ADAP1: variants seen among roughly 807,000 people sequenced by gnomAD.
ADAP1 encodes arf-GAP with dual PH domain-containing protein 1.
A neutral mutation model predicts 54.9 loss-of-function variants in ADAP1; 31 were observed. The ratio of observed to expected loss-of-function variants is 0.56; its 90% CI spans 0.42 to 0.76. The LOEUF (loss-of-function observed/expected upper bound fraction) is 0.76. ADAP1 is among the 30% of genes least tolerant of loss of function. ADAP1 has a pLI of 0.00. For missense variants in ADAP1, 535 were observed against 512.4 expected (o/e 1.04, Z -0.42); for synonymous variants, 313 against 202.6 (o/e 1.55, Z -4.63).
Position 951,152 on chromosome 7 carries a change from A to G in ADAP1, c.82+3244T>C, listed in dbSNP as rs1437367590. On this transcript the variant is annotated intron_variant, in intron 1 of 10. Coordinates refer to ENST00000265846, the MANE Select transcript of ADAP1 (RefSeq NM_006869.4). ...CACTTTGGGAGGCCGAGGCGGGTGG[A>G]TCACGAGGTCAGGAGACGGAGACCA... Among the ~76,000 whole-genome samples the G allele has an allele frequency of 3.9e-5, 6 of 152,148 alleles. No homozygotes were observed. In the East Asian group the frequency reaches 1.2e-3, roughly 29 times the overall value.
chr7:920,482 G>A lies in ADAP1; in HGVS notation c.306-432C>T, dbSNP rs1005161974. ...GGACCGGATCTGGGAAGTGGCCGCG[G>A]CGCCGCCCTCCACCCACCGTGCTGC... On this transcript the variant is annotated intron_variant, in intron 3 of 10. Coordinates refer to ENST00000265846, the MANE Select transcript of ADAP1 (RefSeq NM_006869.4). The surrounding 1 kb of genome is among the most constrained non-coding windows in gnomAD (Gnocchi z 4.5). Among the ~76,000 whole-genome samples, 2 of 151,482 alleles carry A rather than the reference G, an allele frequency of 1.3e-5. No homozygotes were observed. The highest frequency in any genetic ancestry group is 2.9e-5 in the Non-Finnish European group (2 of 67,816).
chr7:939,309 T>G (rs1053720971), intron 1 of ADAP1, among the ~76,000 whole-genome samples: 2 of 152,066 alleles, frequency 1.3e-5, no homozygotes, highest in East Asian at 3.9e-4. Context: ...AACTTCTGCC[T>G]CCCAGGTTCA....
intron 4 of ADAP1, among the ~76,000 whole-genome samples, chr7:910,011 G>T (rs1027955867): frequency 1.3e-5 from 2 of 152,218 alleles, no homozygotes; most frequent in Admixed American, 1.3e-4. Flanking sequence ...ACGGCTAAGA[G>T]CAGGAAAGAC....
intron 4 of ADAP1, among the ~76,000 whole-genome samples, chr7:915,953 G>A (rs1362969129): frequency 1.3e-5 from 2 of 151,848 alleles, no homozygotes; most frequent in East Asian, 3.9e-4. Flanking sequence ...CCACCTGCCT[G>A]CAGAACCCAC....
intron 2 of ADAP1, among the ~76,000 whole-genome samples, chr7:929,900 C>T (rs1383791224): frequency 6.6e-6 from 1 of 151,752 alleles, no homozygotes; most frequent in Non-Finnish European, 1.5e-5. Flanking sequence ...GCCAGGAGTT[C>T]AAGACCAGCC....
chr7:925,602 AC>A (rs1846355421), intron 3 of ADAP1, among the ~76,000 whole-genome samples: 2 of 151,868 alleles, frequency 1.3e-5, no homozygotes, highest in Admixed American at 1.3e-4. Flanking sequence ...GCTGGGGAAG[AC>A]CCCCTGGTCA....
chr7:906,705 G>GAAA lies in ADAP1; in HGVS notation c.389-1534_389-1533insTTT, dbSNP rs1845427468. ...GGGGACACGGGGGACATGGACATGG[G>GAAA]GGACGGGACATCGGGGACGGGACAT... On this transcript the variant is annotated intron_variant, in intron 4 of 10. Coordinates refer to ENST00000265846, the MANE Select transcript of ADAP1 (RefSeq NM_006869.4). Among the ~76,000 whole-genome samples, 2 of 32,602 alleles carry GAAA rather than the reference G, an allele frequency of 6.1e-5. 1 individual carries two copies. Among genetic ancestry groups the GAAA allele is most frequent in the Non-Finnish European group, 1.1e-4 (2 of 17,918 alleles). The allele number at this position is 32,602 out of a possible 152,430, so 21.4% of individuals were successfully genotyped here.
chr7:914,092 G>T (rs901857905), intron 4 of ADAP1, among the ~76,000 whole-genome samples: 2 of 152,184 alleles, frequency 1.3e-5, no homozygotes, highest in African/African-American at 4.8e-5. Flanking sequence ...AGAACAACCC[G>T]GCCATTTCCA....
intron 4 of ADAP1, among the ~76,000 whole-genome samples, chr7:918,708 C>A (rs1035642000): frequency 1.3e-5 from 2 of 152,188 alleles, no homozygotes; most frequent in African/African-American, 2.4e-5. Flanking sequence ...GGCTTGCCTC[C>A]GTTTCCCTGT....
intron 1 of ADAP1, among the ~76,000 whole-genome samples, chr7:950,049 C>T (rs769004960): frequency 9.2e-5 from 14 of 152,256 alleles, no homozygotes; most frequent in Non-Finnish European, 1.5e-4. Flanking sequence ...GCCCAGTGTC[C>T]GCCTGCAGAC....
At chr7:908,149 G>A (rs1845558154) in intron 4 of ADAP1, among the ~76,000 whole-genome samples, 1 of 152,152 alleles carries the variant, frequency 6.6e-6, no homozygotes, top group African/African-American at 2.4e-5. Context: ...GGGACGCGAG[G>A]GGGCTGTGGG....
rs1845441600 is a variant in ADAP1 at position 906,729 on chromosome 7, ATGGG to A, written c.389-1561_389-1558del. Among the ~76,000 whole-genome samples, 19 of 16,208 alleles carry A rather than the reference ATGGG, an allele frequency of 1.2e-3. 1 individual carries two copies. Among genetic ancestry groups the A allele is most frequent in the South Asian group, 1.9e-3 (1 of 540 alleles). 10.6% of individuals were successfully genotyped at this position (16,208 alleles called of 152,430 possible). A position where few individuals can be genotyped will look rare whatever the true frequency, so the allele number is the denominator to read the frequency against. On this transcript the variant is annotated intron_variant, in intron 4 of 10. Transcript: ENST00000265846. ...GGGGACGGGACATCGGGGACGGGAC[ATGGG>A]GGACAGAGTACATAGGGGACATGGA...
chr7:903,643 G>A (rs890710213), intron 6 of ADAP1, among the ~76,000 whole-genome samples: 8 of 152,098 alleles, frequency 5.3e-5, no homozygotes, highest in African/African-American at 1.9e-4. Context: ...GCCCTCCAGA[G>A]ATGCGGGGTA....
At chr7:955,037 T>G (rs1215856595), upstream of ADAP1, among the ~76,000 whole-genome samples, 1 of 152,136 alleles carries the variant, frequency 6.6e-6, no homozygotes, top group Non-Finnish European at 1.5e-5. Context: ...GTGCGTGTCC[T>G]GTGCTACGGA....
At chr7:916,824 C>G (rs1845953264) in intron 4 of ADAP1, among the ~76,000 whole-genome samples, 1 of 152,116 alleles carries the variant, frequency 6.6e-6, no homozygotes, top group Non-Finnish European at 1.5e-5. Flanking sequence ...CCCAGCCTGA[C>G]CTGGGGAGGT....
At chr7:915,628 A>T (rs1018375155) in intron 4 of ADAP1, among the ~76,000 whole-genome samples, 2 of 152,114 alleles carry the variant, frequency 1.3e-5, no homozygotes, top group African/African-American at 4.8e-5. Context: ...GCTCATCTCA[A>T]ATGCTCTCAA....
At chr7:930,444 AAGGCG>A (rs1846533774) in intron 2 of ADAP1, among the ~76,000 whole-genome samples, 10 of 37,536 alleles carry the variant, frequency 2.7e-4, no homozygotes, top group East Asian at 2.3e-3. Flanking sequence ...TTGGGAGGCC[AAGGCG>A]GGCGGATCAC....
intron 9 of ADAP1, 29 bp from the exon 10 acceptor site, chr7:899,290 G>T (rs764738267): frequency 1.2e-6 from 2 of 1,610,088 alleles, no homozygotes; most frequent in African/African-American, 2.7e-5. Flanking sequence ...CTGGAGGCGG[G>T]GCCATGTCCC....
rs1246194670 is a variant in ADAP1, at chr7:899,024, C to A, written c.1096+9G>T. ...CCCTTCCAGGCCGCCGGCCGCCCGC[C>A]CCCCTCACCTGCGTACTCCTGGGGC... On this transcript the variant is annotated intron_variant, in intron 10 of 10. Transcript: ENST00000265846. The A allele has an allele frequency of 6.2e-6, 10 of 1,609,792 alleles. No homozygotes were observed. The highest frequency in any genetic ancestry group is 8.5e-6 in the Non-Finnish European group (10 of 1,179,732).
Sources: gnomAD v4.1 joint callset for allele counts (sites outside exome capture counted in the v4.1 genomes callset) on GRCh38, gnomAD v4.1.1 for gene constraint, Gnocchi (gnomAD v3.1) non-coding constraint, MANE v1.5 for transcripts, NCBI Gene and HGNC (gene_info 2026-07-23, HGNC 2026-07-21) for gene names.